The following SDR42E2 variants were observed in gnomAD, a reference collection of about 807,000 sequenced individuals.
The protein encoded by SDR42E2 is putative short-chain dehydrogenase/reductase family 42E member 2.
A neutral mutation model predicts 10.5 loss-of-function variants in SDR42E2; 20 were observed. The ratio of observed to expected loss-of-function variants is 1.90; its 90% CI spans 1.34 to 2.77. The LOEUF (loss-of-function observed/expected upper bound fraction) is 2.77. Ranked by LOEUF, SDR42E2 falls within the 30% of genes most tolerant of loss-of-function variation. The probability of loss-of-function intolerance (pLI) is 0.00; values close to 1 mark genes in which losing one functional copy is unlikely to be tolerated. For missense variants in SDR42E2, 162 were observed against 104.2 expected (o/e 1.55, Z -2.42); for synonymous variants, 72 against 39.2 (o/e 1.84, Z -3.12).
chr16:22,170,801 TTATTTGTTGC>T, intron 5 of SDR42E2, 22 bp from the exon 6 acceptor site: 1 of 702,824 alleles, frequency 1.4e-6, no homozygotes, highest in Non-Finnish European at 2.6e-6. Context: ...GTGTGTGTGT[TTATTTGTTGC>T]TATGTGCACC....
At chr16:22,183,135 A>AT (rs1257035114) in intron 10 of SDR42E2, among the ~76,000 whole-genome samples, 1 of 151,244 alleles carries the variant, frequency 6.6e-6, no homozygotes, top group Non-Finnish European at 1.5e-5. Context: ...GTTTTGTTTC[A>AT]TTTTTTTGAG....
chr16:22,166,506 T>C (rs753904091), intron 3 of SDR42E2, 72 bp downstream of exon 3: 3 of 402,258 alleles, frequency 7.5e-6, no homozygotes, highest in Non-Finnish European at 1.3e-5. Flanking sequence ...ATGTGAAACC[T>C]GTGGTGTGGA....
At chr16:22,170,765 C>G in intron 5 of SDR42E2, 68 bp from the exon 6 acceptor site, 1 of 700,112 alleles carries the variant, frequency 1.4e-6, no homozygotes, top group Non-Finnish European at 2.6e-6. Flanking sequence ...CACTTGTGTC[C>G]CGTGTGTGTC....
intron 6 of SDR42E2, among the ~76,000 whole-genome samples, 183 bp from the exon 7 acceptor site, chr16:22,172,073 T>C (rs1307510118): frequency 6.6e-6 from 1 of 152,164 alleles, no homozygotes; most frequent in Non-Finnish European, 1.5e-5. Context: ...CCTCTGCTCC[T>C]GTGGCTCTGG....
chr16:22,169,953 A>C (rs1046454221), intron 5 of SDR42E2, among the ~76,000 whole-genome samples: 5 of 152,042 alleles, frequency 3.3e-5, no homozygotes, highest in Non-Finnish European at 5.9e-5. Context: ...AATCGCTTGA[A>C]TCTGAGAGGC....
rs1413783733 is a variant in SDR42E2 at position 22,186,294 on chromosome 16, C to A, written c.941-427C>A. 2.6e-5 allele frequency among the ~76,000 whole-genome samples: 4 copies of A among 151,920 alleles called. No individual in the cohort carries two copies. The East Asian group carries it at 5.8e-4, about 22-fold the overall frequency. On this transcript the variant is annotated intron_variant, in intron 11 of 12. Coordinates refer to ENST00000602312, the MANE Select transcript of SDR42E2 (RefSeq NM_001394319.2). ...CAATCTCAGCTCACTGCAATCTCTG[C>A]GTCCTGGGTACAAGCGATTCTCCTG...
intron 1 of SDR42E2, 92 bp from the exon 2 acceptor site, chr16:22,165,455 C>T (rs2046526846): frequency 5.1e-6 from 2 of 395,436 alleles, no homozygotes; most frequent in South Asian, 1.4e-4. Context: ...TTCTAATTTC[C>T]ACCTGGAGTT....
intron 4 of SDR42E2, among the ~76,000 whole-genome samples, 166 bp downstream of exon 4, chr16:22,167,165 A>C (rs1328795487): frequency 5.3e-5 from 2 of 37,726 alleles, no homozygotes; most frequent in Non-Finnish European, 8.6e-5. Context: ...CAGTTCTGCC[A>C]TTTTTTTTTT....
intron 6 of SDR42E2, 90 bp downstream of exon 6, chr16:22,171,041 C>T (rs1169660944): frequency 1.4e-6 from 1 of 693,356 alleles, no homozygotes; most frequent in Admixed American, 2.0e-5. Flanking sequence ...GGGTTGGTTT[C>T]ACAACTCAGG....
chr16:22,166,847 T>C lies in SDR42E2; in HGVS notation c.241-57T>C, dbSNP rs944299203. ...TGAGACCAGGCAAGGTGCAGAGGTG[T>C]TATCTCTTGCCTTGGACTTGAACCC... is the stretch of plus-strand genomic sequence containing the variant. On this transcript the variant is annotated intron_variant, in intron 3 of 12. Coordinates refer to ENST00000602312, the MANE Select transcript of SDR42E2 (RefSeq NM_001394319.2). 1.3e-5 allele frequency: 7 copies of C among 557,798 alleles called. No individual in the cohort carries two copies. In the African/African-American group the frequency reaches 1.3e-4, roughly 10 times the overall value. The allele number at this position is 557,798 out of a possible 1,614,324, so 34.6% of individuals were successfully genotyped here.
Position 22,163,791 on chromosome 16 carries a change from G to C in SDR42E2, c.-37+1227G>C, listed in dbSNP as rs1357447685. On this transcript the variant is annotated intron_variant, in intron 1 of 12. Transcript: ENST00000602312. ...ACCCAGACATTTGGTGAGCAGGGCAGTAACAGAGGAAATTAAAAATACAGC... is the reference window on the plus strand; with the variant it reads ...ACCCAGACATTTGGTGAGCAGGGCACTAACAGAGGAAATTAAAAATACAGC... Among the ~76,000 whole-genome samples the C allele has an allele frequency of 2.6e-5, 4 of 152,128 alleles. No individual in the cohort carries two copies. In the East Asian group the frequency reaches 5.8e-4, roughly 22 times the overall value.
intron 4 of SDR42E2, among the ~76,000 whole-genome samples, chr16:22,168,676 C>A (rs1249073586): frequency 6.6e-6 from 1 of 151,918 alleles, no homozygotes; most frequent in East Asian, 1.9e-4. Flanking sequence ...AGTTTGAGAC[C>A]ATCCTGACCA....
intron 1 of SDR42E2, among the ~76,000 whole-genome samples, chr16:22,163,387 T>A (rs767795696): frequency 1.3e-5 from 2 of 152,094 alleles, no homozygotes; most frequent in Non-Finnish European, 2.9e-5. Flanking sequence ...CCCCTGCTCA[T>A]GATGGTTTGC....
intron 11 of SDR42E2, among the ~76,000 whole-genome samples, chr16:22,185,911 T>A (rs28668046): frequency 6.6e-6 from 1 of 152,084 alleles, no homozygotes; most frequent in Non-Finnish European, 1.5e-5. Flanking sequence ...CTGGCTATTT[T>A]CAAAAATTTT....
intron 11 of SDR42E2, among the ~76,000 whole-genome samples, chr16:22,184,735 C>T (rs930407783): frequency 6.6e-6 from 1 of 152,154 alleles, no homozygotes; most frequent in Non-Finnish European, 1.5e-5. Flanking sequence ...TGTCTGGTGC[C>T]GGAAGCAAGT....
chr16:22,163,309 G>A (rs1042836436), intron 1 of SDR42E2, among the ~76,000 whole-genome samples: 1 of 152,106 alleles, frequency 6.6e-6, no homozygotes, highest in African/African-American at 2.4e-5. Flanking sequence ...AGAGTCCTCT[G>A]GGCCTGAGTA....
intron 6 of SDR42E2, 40 bp from the exon 7 acceptor site, chr16:22,172,216 G>A (rs1266555238): frequency 1.4e-6 from 1 of 702,880 alleles, no homozygotes; most frequent in East Asian, 2.7e-5. Flanking sequence ...CAGCATTGCT[G>A]ACCCTCTCTG....
rs764466403 is a variant in SDR42E2, at chr16:22,181,658, T to A, written c.810+2T>A. The A allele has an allele frequency of 2.8e-6, 2 of 702,698 alleles. No individual in the cohort carries two copies. The highest frequency in any genetic ancestry group is 3.0e-5 in the South Asian group (2 of 67,578). 43.5% of individuals were successfully genotyped at this position (702,698 alleles called of 1,614,324 possible). A position where few individuals can be genotyped will look rare whatever the true frequency, so the allele number is the denominator to read the frequency against. ...ACCACGGCCAAGGGCTACGTGGCTG[T>A]GAGTCCCCTCTGATGCCCCCAACCA... On this transcript the variant is annotated splice_donor_variant, in intron 9 of 12. Coordinates refer to ENST00000602312, the MANE Select transcript of SDR42E2 (RefSeq NM_001394319.2). LOFTEE classifies it high-confidence loss of function.
intron 10 of SDR42E2, among the ~76,000 whole-genome samples, chr16:22,183,889 G>A (rs2046716182): frequency 6.6e-6 from 1 of 150,420 alleles, no homozygotes. Flanking sequence ...GAGGCCAGGA[G>A]TTCAAGACCA....
Sources: gnomAD v4.1 joint callset for allele counts (sites outside exome capture counted in the v4.1 genomes callset) on GRCh38, gnomAD v4.1.1 for gene constraint, MANE v1.5 for transcripts, NCBI Gene and HGNC (gene_info 2026-07-23, HGNC 2026-07-21) for gene names.